CCDC187: variants seen among roughly 807,000 people sequenced by gnomAD.
The protein encoded by CCDC187 is coiled-coil domain containing 187.
Under a neutral mutation model 38.0 loss-of-function variants are expected in CCDC187, and 32 were observed. The ratio of observed to expected loss-of-function variants is 0.84; its 90% CI spans 0.64 to 1.13. CCDC187 has a LOEUF of 1.13. CCDC187 is among the 50% of genes most tolerant of loss of function. CCDC187 has a pLI of 0.00. For missense variants in CCDC187, 707 were observed against 786.8 expected, an observed-to-expected ratio of 0.90 and a Z score of 1.21; for synonymous variants, 333 against 347.9, an observed-to-expected ratio of 0.96 and a Z score of 0.48.
intron 2 of CCDC187, among the ~76,000 whole-genome samples, chr9:136,301,435 A>T (rs1207468058): frequency 6.6e-6 from 1 of 151,922 alleles, no homozygotes; most frequent in Non-Finnish European, 1.5e-5. Context: ...GACGGGGGTG[A>T]GTGTTTCATG....
chr9:136,305,913 G>A (rs1361173081), upstream of CCDC187, among the ~76,000 whole-genome samples: 8 of 152,196 alleles, frequency 5.3e-5, no homozygotes, highest in Non-Finnish European at 1.0e-4. Context: ...GCTTCCAGAC[G>A]CAGCTCTGAA....
chr9:136,279,147 T>C (rs1830990630), intron 10 of CCDC187, among the ~76,000 whole-genome samples: 1 of 152,090 alleles, frequency 6.6e-6, no homozygotes, highest in African/African-American at 2.4e-5. Flanking sequence ...AAGCTTCCAT[T>C]GGACAGCTCT....
upstream of CCDC187, among the ~76,000 whole-genome samples, chr9:136,306,019 C>A (rs962294896): frequency 6.6e-6 from 1 of 152,224 alleles, no homozygotes; most frequent in Non-Finnish European, 1.5e-5. Context: ...CAGCCTGCAC[C>A]GGCTGGCGCC....
chr9:136,274,313 G>A (rs945561037), intron 14 of CCDC187, among the ~76,000 whole-genome samples: 8 of 152,340 alleles, frequency 5.3e-5, no homozygotes, highest in South Asian at 2.1e-4. Context: ...ACCTCCCTTC[G>A]TGTCAGGCTG....
intron 12 of CCDC187, among the ~76,000 whole-genome samples, chr9:136,275,926 G>A (rs1200914944): frequency 2.0e-5 from 3 of 152,198 alleles, no homozygotes; most frequent in Non-Finnish European, 4.4e-5. Context: ...GGACAGGTGG[G>A]AGGCTCCAAT....
chr9:136,306,436 G>A (rs1326207365), upstream of CCDC187, among the ~76,000 whole-genome samples: 1 of 152,234 alleles, frequency 6.6e-6, no homozygotes, highest in Non-Finnish European at 1.5e-5. Flanking sequence ...CTGGGGGCAG[G>A]AAGTAGCCTT....
intron 7 of CCDC187, among the ~76,000 whole-genome samples, chr9:136,287,629 G>A (rs1371257404): frequency 2.6e-5 from 4 of 152,144 alleles, no homozygotes; most frequent in African/African-American, 9.7e-5. Flanking sequence ...CTCTTCCCTG[G>A]CAATACTCAT....
rs1210671963 is a variant in CCDC187 at position 136,257,805 on chromosome 9, C to T, written c.4367-964G>A. 6.6e-6 allele frequency among the ~76,000 whole-genome samples: 1 copy of T among 152,236 alleles called. No homozygotes were observed. Among genetic ancestry groups the T allele is most frequent in the Non-Finnish European group, 1.5e-5 (1 of 68,040 alleles). On this transcript the variant is annotated intron_variant, in intron 22 of 25. Transcript: ENST00000638797. This position sits in a 1 kb window ranked among gnomAD's most constrained non-coding sequence, Gnocchi z 4.5. ...TGTCCGTGGCTCCGGGTGACCCCAG[C>T]GACCACAATGGGGCGTCACCCAGGG...
upstream of CCDC187, among the ~76,000 whole-genome samples, chr9:136,306,020 G>A (rs1564331502): frequency 6.6e-6 from 1 of 152,200 alleles, no homozygotes; most frequent in African/African-American, 2.4e-5. Context: ...AGCCTGCACC[G>A]GCTGGCGCCC....
intron 14 of CCDC187, among the ~76,000 whole-genome samples, chr9:136,272,713 A>C (rs1309597766): frequency 9.2e-5 from 14 of 152,022 alleles, no homozygotes; most frequent in Non-Finnish European, 1.3e-4. Context: ...AAGAAAAAAA[A>C]AAAAACAAAA....
In CCDC187 at chr9:136,264,640, T is replaced by A. The variant is rs1490588007; in HGVS notation, c.3736-842A>T. 6.6e-6 allele frequency among the ~76,000 whole-genome samples: 1 copy of A among 152,178 alleles called. No individual in the cohort carries two copies. The highest frequency in any genetic ancestry group is 1.5e-5 in the Non-Finnish European group (1 of 68,022). Reference sequence around the variant, plus strand: ...ATGCCTGACACCCCAGGTCGTAGTATGTACAGGGCATCCAGGGCAGGGATG... The same window carrying A: ...ATGCCTGACACCCCAGGTCGTAGTAAGTACAGGGCATCCAGGGCAGGGATG... On this transcript the variant is annotated intron_variant, in intron 17 of 25. Coordinates refer to ENST00000638797, the MANE Select transcript of CCDC187 (RefSeq NM_001378188.1). This position sits in a 1 kb window ranked among gnomAD's most constrained non-coding sequence, Gnocchi z 4.3.
chr9:136,250,896 G>A lies in CCDC187; in HGVS notation c.*2698C>T, dbSNP rs1055911551. On this transcript the variant is annotated 3_prime_UTR_variant, in exon 26 of 26. Transcript: ENST00000638797. ...GTCTGGAGAGGGGCTCTTGCCTCAC[G>A]GCAGGGGGCCCAAAGAGGTTCTAAG... is the stretch of plus-strand genomic sequence containing the variant. The A allele has an allele frequency of 1.5e-5, 7 of 451,910 alleles. No individual in the cohort carries two copies. Among genetic ancestry groups the A allele is most frequent in the Non-Finnish European group, 2.7e-5 (6 of 223,780 alleles). 28.0% of individuals were successfully genotyped at this position (451,910 alleles called of 1,614,324 possible).
chr9:136,289,180 C>T (rs1449007482), intron 7 of CCDC187, among the ~76,000 whole-genome samples: 1 of 152,158 alleles, frequency 6.6e-6, no homozygotes, highest in Non-Finnish European at 1.5e-5. Context: ...GTGAGAGAAG[C>T]CAGACCCGTA....
chr9:136,269,732 T>C (rs1830808420), intron 14 of CCDC187, among the ~76,000 whole-genome samples: 1 of 152,012 alleles, frequency 6.6e-6, no homozygotes, highest in African/African-American at 2.4e-5. Context: ...GCCCAGAAGA[T>C]ATGCAAAGAA....
At chr9:136,289,377 G>A (rs1368499881) in intron 7 of CCDC187, among the ~76,000 whole-genome samples, 2 of 152,090 alleles carry the variant, frequency 1.3e-5, no homozygotes, top group East Asian at 3.9e-4. Flanking sequence ...AAATTAGCCG[G>A]GCGTTGTGGC....
Position 136,253,956 on chromosome 9 carries a change from T to C in CCDC187, c.5872A>G (p.Ser1958Gly), listed in dbSNP as rs1830581030. The change falls in exon 26 of 26, where the codon AGC becomes GGC. Residue 1958 changes from serine (S) to glycine (G), a missense_variant. Physicochemically the swap from Ser to Gly is moderately conservative, Grantham distance 56 (BLOSUM62 0). Transcript: ENST00000638797. ...PGRLAPPVAE[S>G]RAPGPGGNGA... ...TTCCCACCAGGCCCAGGCGCCCGGCTCTCAGCTACTGGAGGTGCCAGCCTG... is the reference window on the plus strand; with the variant it reads ...TTCCCACCAGGCCCAGGCGCCCGGCCCTCAGCTACTGGAGGTGCCAGCCTG... The C allele has an allele frequency of 4.1e-6, 4 of 985,346 alleles. No individual in the cohort carries two copies. In the South Asian group the frequency reaches 1.4e-4, roughly 35 times the overall value. 61.0% of individuals were successfully genotyped at this position (985,346 alleles called of 1,614,324 possible).
At chr9:136,294,921 T>C (rs972425741) in intron 4 of CCDC187, among the ~76,000 whole-genome samples, 21 of 152,206 alleles carry the variant, frequency 1.4e-4, no homozygotes, top group Non-Finnish European at 2.5e-4. Flanking sequence ...TGGGTTTAAG[T>C]CTGGCTCTGC....
In CCDC187 at chr9:136,281,578, C is replaced by G. The variant is rs1355053046; in HGVS notation, c.3013G>C (p.Val1005Leu). ...ETPSVGGADS[V>L]APCTPRSCGQ... ...CAGCTCCGGGGGGTGCAGGGCGCCA[C>G]AGAATCTGCCCCTCCGACCGACGGC... is the stretch of plus-strand genomic sequence containing the variant. The change falls in exon 10 of 26, where the codon GTG becomes CTG. Residue 1005 changes from valine to leucine, a missense_variant. Coordinates refer to ENST00000638797, the MANE Select transcript of CCDC187 (RefSeq NM_001378188.1). 2.5e-6 allele frequency: 1 copy of G among 398,430 alleles called. No individual in the cohort carries two copies. The highest frequency in any genetic ancestry group is 3.6e-5 in the East Asian group (1 of 28,084). The allele number at this position is 398,430 out of a possible 1,614,324, so 24.7% of individuals were successfully genotyped here.
chr9:136,306,544 C>T (rs1588680246), upstream of CCDC187, among the ~76,000 whole-genome samples: 1 of 152,296 alleles, frequency 6.6e-6, no homozygotes, highest in Admixed American at 6.5e-5. Context: ...GATGACTTAT[C>T]TTACGTCGTC....
Sources: gnomAD v4.1 joint callset for allele counts (sites outside exome capture counted in the v4.1 genomes callset) on GRCh38, gnomAD v4.1.1 for gene constraint, Gnocchi (gnomAD v3.1) non-coding constraint, MANE v1.5 for transcripts, NCBI Gene and HGNC (gene_info 2026-07-23, HGNC 2026-07-21) for gene names.